Variants in QTGAL observed in about 807,000 individuals in gnomAD.
The protein encoded by QTGAL is queuosine-tRNA galactosyltransferase, also known as BGnT-like protein 1.
chr17:83,034,888 C>T, the QTGAL span: 15 of 637,068 alleles, frequency 2.4e-5, no homozygotes, highest in Non-Finnish European at 4.0e-5. Context: ...ATGTCCTCAT[C>T]AGCAGCATGA....
At chr17:83,008,396 C>T in the QTGAL span, among the ~76,000 whole-genome samples, 78 of 152,278 alleles carry the variant, frequency 5.1e-4, no homozygotes, top group African/African-American at 1.6e-3. Flanking sequence ...TGAATTTATA[C>T]GGGGACCACC....
At chr17:82,996,849 A>G in the QTGAL span, among the ~76,000 whole-genome samples, 1 of 152,220 alleles carries the variant, frequency 6.6e-6, no homozygotes, top group Non-Finnish European at 1.5e-5. Flanking sequence ...CCATATGCAA[A>G]AGAATGAAAT....
the QTGAL span, among the ~76,000 whole-genome samples, chr17:82,987,620 G>C: frequency 6.6e-6 from 1 of 152,176 alleles, no homozygotes; most frequent in South Asian, 2.1e-4. Context: ...ATTCTGTTCT[G>C]TTGGCCTATG....
the QTGAL span, among the ~76,000 whole-genome samples, chr17:83,001,124 C>T: frequency 2.6e-5 from 4 of 152,322 alleles, no homozygotes; most frequent in Admixed American, 2.6e-4. Context: ...CAAAGCTATA[C>T]ATCAACAAAG....
chr17:83,028,048 T>C, the QTGAL span, among the ~76,000 whole-genome samples: 1 of 151,696 alleles, frequency 6.6e-6, no homozygotes, highest in Non-Finnish European at 1.5e-5. Context: ...GAGGCGGTGG[T>C]TGCAGTGAGC....
chr17:82,950,684 G>A, the QTGAL span, among the ~76,000 whole-genome samples: 1 of 152,190 alleles, frequency 6.6e-6, no homozygotes, highest in Admixed American at 6.5e-5. Context: ...AATGACTCCT[G>A]GACCCACGGT....
chr17:83,001,027 G>C, the QTGAL span, among the ~76,000 whole-genome samples: 3 of 152,156 alleles, frequency 2.0e-5, no homozygotes, highest in African/African-American at 7.2e-5. Flanking sequence ...GACTGTGGTG[G>C]GTCACTGGGG....
chr17:82,946,916 AG>A, the QTGAL span: 1 of 1,568,002 alleles, frequency 6.4e-7, no homozygotes. Flanking sequence ...GCTGAAGTGA[AG>A]GAAGTCCTGG....
At chr17:82,986,626 G>A in the QTGAL span, among the ~76,000 whole-genome samples, 660 of 152,290 alleles carry the variant, frequency 4.3e-3, 7 homozygotes, top group African/African-American at 0.015. Flanking sequence ...GATTTGATGC[G>A]GAAAGCAAAG....
chr17:82,962,016 G>A, the QTGAL span, among the ~76,000 whole-genome samples: 6 of 152,138 alleles, frequency 3.9e-5, no homozygotes, highest in Admixed American at 2.0e-4. Flanking sequence ...TGGTCTCCTC[G>A]TGGTTCTCTG....
the QTGAL span, among the ~76,000 whole-genome samples, chr17:83,035,337 G>A: frequency 2.0e-5 from 3 of 152,014 alleles, no homozygotes; most frequent in Non-Finnish European, 4.4e-5. Flanking sequence ...CTGCCACCAC[G>A]CCTGGCGAAT....
At chr17:82,975,894 G>A in the QTGAL span, among the ~76,000 whole-genome samples, 11 of 48,174 alleles carry the variant, frequency 2.3e-4, no homozygotes, top group Admixed American at 1.5e-3. Context: ...CCACTTATGG[G>A]GAACGAGGGC....
chr17:83,001,341 G>C, the QTGAL span, among the ~76,000 whole-genome samples: 4 of 152,130 alleles, frequency 2.6e-5, no homozygotes, highest in African/African-American at 7.2e-5. Flanking sequence ...GGAAGACGGA[G>C]GAATCTGGAT....
At chr17:82,946,988 C>T in the QTGAL span, 1 of 1,556,554 alleles carries the variant, frequency 6.4e-7, no homozygotes, top group South Asian at 1.2e-5. Context: ...GAGGTCCTGT[C>T]AGGAGCAGCA....
chr17:83,011,290 G>A, the QTGAL span: 1 of 152,244 alleles, frequency 6.6e-6, no homozygotes, highest in Non-Finnish European at 1.5e-5. Flanking sequence ...CTTGGATAAC[G>A]ATGCTCTACA....
chr17:82,970,586 ACCTCCGCACCCGGCG>A, the QTGAL span, among the ~76,000 whole-genome samples: 15 of 134,424 alleles, frequency 1.1e-4, 3 homozygotes, highest in African/African-American at 2.7e-4. Context: ...CGTGGCCGCG[ACCTCCGCACCCGGCG>A]TGGCCGCGAC....
the QTGAL span, among the ~76,000 whole-genome samples, chr17:83,036,885 C>T: frequency 3.3e-5 from 5 of 152,090 alleles, no homozygotes; most frequent in African/African-American, 1.2e-4. Flanking sequence ...AGGAAGGCTT[C>T]TGAACAAGGA....
chr17:83,035,798 G>T, the QTGAL span, among the ~76,000 whole-genome samples: 1 of 146,912 alleles, frequency 6.8e-6, no homozygotes, highest in Non-Finnish European at 1.5e-5. Context: ...GTCACAAGAG[G>T]GAAGTTGGGG....
At chr17:83,023,839 G>A in the QTGAL span, among the ~76,000 whole-genome samples, 2 of 152,206 alleles carry the variant, frequency 1.3e-5, no homozygotes, top group African/African-American at 4.8e-5. Flanking sequence ...TAGATGGGCC[G>A]ATGCTTCTGT....
Sources: allele counts gnomAD v4.1 joint callset (sites outside exome capture counted in the v4.1 genomes callset), GRCh38; gene constraint gnomAD v4.1.1; transcripts MANE v1.5; gene names NCBI Gene and HGNC (gene_info 2026-07-23, HGNC 2026-07-21).